BCL2L13: variants seen among roughly 807,000 people sequenced by gnomAD.
The protein encoded by BCL2L13 is BCL2 like 13.
In BCL2L13, 13 loss-of-function variants were observed where a neutral mutation model predicts 25.8. The observed-to-expected ratio is 0.50, with a 90% CI of 0.33 to 0.80. The LOEUF (loss-of-function observed/expected upper bound fraction) is 0.80. Among genes scored for constraint, BCL2L13 ranks in the 30% least tolerant of loss-of-function variants. The pLI, the probability that BCL2L13 is intolerant of heterozygous loss-of-function variation, is 0.02. For synonymous variants in BCL2L13, 244 were observed against 230.3 expected, an observed-to-expected ratio of 1.06 and a Z score of -0.54; for missense variants, 504 against 574.9, an observed-to-expected ratio of 0.88 and a Z score of 1.26.
chr22:17,655,637 G>GA (rs1425930787), intron 1 of BCL2L13, 25 bp from the exon 2 acceptor site: 55 of 1,541,042 alleles, frequency 3.6e-5, no homozygotes, highest in Non-Finnish European at 4.7e-5. Flanking sequence ...ACTTTAAACT[G>GA]AAAAAATTAC....
At chr22:17,706,713 T>C (rs1245330355) in intron 6 of BCL2L13, 2 of 1,351,664 alleles carry the variant, frequency 1.5e-6, no homozygotes, top group Non-Finnish European at 2.0e-6. Context: ...GCTGTGATTC[T>C]CCCTGAGTCA....
intron 4 of BCL2L13, 79 bp downstream of exon 4, chr22:17,689,221 T>C: frequency 2.2e-6 from 3 of 1,341,786 alleles, no homozygotes; most frequent in Non-Finnish European, 3.0e-6. Context: ...TGGTTAGGGC[T>C]GTGTTTTAGG....
In BCL2L13 at chr22:17,728,998, C is replaced by T. The variant is rs1365151968; in HGVS notation, c.*1464C>T. On this transcript the variant is annotated 3_prime_UTR_variant, in exon 7 of 7. Coordinates refer to ENST00000317582, the MANE Select transcript of BCL2L13 (RefSeq NM_015367.4). ...GGGCAGACCCGTGTCTTTCCATGCC[C>T]GAGGGCCACGACGTCACTATGCAGG... 1.3e-5 allele frequency: 2 copies of T among 152,056 alleles called. No individual in the cohort carries two copies. Among genetic ancestry groups the T allele is most frequent in the East Asian group, 3.9e-4 (2 of 5,192 alleles). 9.4% of individuals were successfully genotyped at this position (152,056 alleles called of 1,614,324 possible).
chr22:17,638,529 G>A (rs2058151399), upstream of BCL2L13: 1 of 517,804 alleles, frequency 1.9e-6, no homozygotes, highest in Admixed American at 4.4e-5. Flanking sequence ...CAGCCGGTCA[G>A]AATCCCAACC....
intron 5 of BCL2L13, among the ~76,000 whole-genome samples, chr22:17,698,644 G>A (rs1344789866): frequency 1.3e-5 from 2 of 151,580 alleles, no homozygotes; most frequent in African/African-American, 4.8e-5. Context: ...TGAGAGGATG[G>A]CTTGAGCCTG....
chr22:17,688,450 T>A (rs1213849347), intron 3 of BCL2L13, among the ~76,000 whole-genome samples: 4 of 152,246 alleles, frequency 2.6e-5, no homozygotes. Flanking sequence ...AAAAACAGAA[T>A]TTTAAGAGAA....
intron 2 of BCL2L13, among the ~76,000 whole-genome samples, chr22:17,657,515 T>C (rs924668616): frequency 1.8e-4 from 27 of 151,828 alleles, no homozygotes; most frequent in African/African-American, 6.5e-4. Flanking sequence ...TGACATTTCT[T>C]TTTTTCTTTT....
chr22:17,692,896 TACAAAAAA>T (rs1396548107), intron 4 of BCL2L13, among the ~76,000 whole-genome samples: 2 of 152,216 alleles, frequency 1.3e-5, no homozygotes, highest in African/African-American at 4.8e-5. Context: ...ATGTATTCAG[TACAAAAAA>T]TTATCGAGCT....
chr22:17,720,389 T>C (rs1441347694), intron 6 of BCL2L13, among the ~76,000 whole-genome samples: 2 of 152,070 alleles, frequency 1.3e-5, no homozygotes, highest in Non-Finnish European at 2.9e-5. Flanking sequence ...GGAGTTTCAC[T>C]CTTGTTGTCC....
Position 17,662,205 on chromosome 22 carries a change from G to A in BCL2L13, c.121+6373G>A, listed in dbSNP as rs12106558. Reference sequence around the variant, plus strand: ...TAAAACAGTTACTGAGGGGCTGCGCGTGGTGGCTCACGCCTGTAATCCCAG... The same window carrying A: ...TAAAACAGTTACTGAGGGGCTGCGCATGGTGGCTCACGCCTGTAATCCCAG... On this transcript the variant is annotated intron_variant, in intron 2 of 6. Coordinates refer to ENST00000317582, the MANE Select transcript of BCL2L13 (RefSeq NM_015367.4). Among the ~76,000 whole-genome samples the A allele has an allele frequency of 4.9e-3, 751 of 152,244 alleles. 8 individuals are homozygous for A. The highest frequency in any genetic ancestry group is 0.017 in the African/African-American group (693 of 41,558).
chr22:17,685,760 C>CTTTTTTTTTTT (rs1166792513), intron 3 of BCL2L13, among the ~76,000 whole-genome samples: 1,282 of 60,630 alleles, frequency 0.021, 329 homozygotes, highest in East Asian at 0.025. Context: ...TTTTCTTTTT[C>CTTTTTTTTTTT]TTTTTTTTTT....
chr22:17,691,806 T>C (rs1448621499), intron 4 of BCL2L13, among the ~76,000 whole-genome samples: 2 of 152,224 alleles, frequency 1.3e-5, no homozygotes, highest in Admixed American at 1.3e-4. Flanking sequence ...TTTAAAAGTA[T>C]TGTTTCTGAA....
rs1173057592 is a variant in BCL2L13, at chr22:17,728,621, T to A, written c.*1087T>A. 11 of 152,160 alleles carry A rather than the reference T, an allele frequency of 7.2e-5. No homozygotes were observed. In the East Asian group the frequency reaches 2.1e-3, roughly 29 times the overall value. 9.4% of individuals were successfully genotyped at this position (152,160 alleles called of 1,614,324 possible). A position where few individuals can be genotyped will look rare whatever the true frequency, so the allele number is the denominator to read the frequency against. On this transcript the variant is annotated 3_prime_UTR_variant, in exon 7 of 7. Transcript: ENST00000317582. ...GTTCTATGGGTCTCTTGCTAGGGGG[T>A]AAGGATTTTTATTCTTGGGCTTATA...
intron 2 of BCL2L13, among the ~76,000 whole-genome samples, chr22:17,668,479 G>C (rs1479699469): frequency 6.7e-6 from 1 of 150,254 alleles, no homozygotes. Context: ...CTGAGATGGA[G>C]TCTCGCTCTG....
At chr22:17,653,592 C>T (rs1050954331) in intron 1 of BCL2L13, among the ~76,000 whole-genome samples, 16 of 150,090 alleles carry the variant, frequency 1.1e-4, no homozygotes, top group South Asian at 4.2e-4. Flanking sequence ...ACCTCAAGCT[C>T]CTGGGCTCAA....
intron 4 of BCL2L13, among the ~76,000 whole-genome samples, chr22:17,694,115 T>G (rs1269676833): frequency 7.9e-5 from 12 of 152,132 alleles, no homozygotes; most frequent in Admixed American, 7.2e-4. Flanking sequence ...GGTAAATTTT[T>G]AATCTATTAA....
chr22:17,708,152 T>C (rs1190560307), intron 6 of BCL2L13, among the ~76,000 whole-genome samples: 1 of 152,126 alleles, frequency 6.6e-6, no homozygotes, highest in Non-Finnish European at 1.5e-5. Context: ...TACTTAGGTT[T>C]CTTCTCTACT....
chr22:17,633,377 CAAAGAT>C (rs1376500668), intron 1 of BCL2L13, among the ~76,000 whole-genome samples: 3 of 152,160 alleles, frequency 2.0e-5, no homozygotes, highest in Non-Finnish European at 2.9e-5. Flanking sequence ...TGAATACATG[CAAAGAT>C]GAGCCAGTTG....
intron 4 of BCL2L13, chr22:17,695,921 C>A: frequency 1.2e-5 from 5 of 402,086 alleles, no homozygotes; most frequent in Non-Finnish European, 2.3e-5. Flanking sequence ...ATTTATCTTG[C>A]TATGTTATTA....
Sources: gnomAD v4.1 joint callset for allele counts (sites outside exome capture counted in the v4.1 genomes callset) on GRCh38, gnomAD v4.1.1 for gene constraint, MANE v1.5 for transcripts, NCBI Gene and HGNC (gene_info 2026-07-23, HGNC 2026-07-21) for gene names.